PIK3C2A: variants seen among roughly 807,000 people sequenced by gnomAD.
PIK3C2A encodes the protein phosphatidylinositol 4-phosphate 3-kinase C2 domain-containing subunit alpha.
PIK3C2A carries 97 observed loss-of-function variants against 204.5 expected under a neutral mutation model. The ratio of observed to expected loss-of-function variants is 0.47; its 90% CI spans 0.40 to 0.56. The LOEUF (loss-of-function observed/expected upper bound fraction) is 0.56, where lower values mean the gene tolerates loss of function less well. Ranked by LOEUF, PIK3C2A falls within the 20% of genes least tolerant of loss-of-function variation. The probability of loss-of-function intolerance (pLI) is 0.00; values close to 1 mark genes in which losing one functional copy is unlikely to be tolerated. For missense variants in PIK3C2A, 1,735 were observed against 1,969.2 expected, an observed-to-expected ratio of 0.88 and a Z score of 2.25; for synonymous variants, 653 against 664.4, an observed-to-expected ratio of 0.98 and a Z score of 0.26.
intron 12 of PIK3C2A, among the ~76,000 whole-genome samples, chr11:17,131,224 T>C (rs1292437146): frequency 6.6e-6 from 1 of 152,092 alleles, no homozygotes; most frequent in Non-Finnish European, 1.5e-5. Context: ...CGTTAAGTGT[T>C]GATTAATCTA....
At chr11:17,176,403 C>T (rs887706082) in intron 1 of PIK3C2A, among the ~76,000 whole-genome samples, 15 of 151,840 alleles carry the variant, frequency 9.9e-5, no homozygotes, top group Admixed American at 7.9e-4. Flanking sequence ...CTGCTTGAGC[C>T]CAGGAGTACC....
chr11:17,099,558 T>C (rs1848555179), intron 26 of PIK3C2A, among the ~76,000 whole-genome samples: 1 of 152,118 alleles, frequency 6.6e-6, no homozygotes, highest in South Asian at 2.1e-4. Flanking sequence ...AATAAAAAAT[T>C]AAAAAAGATT....
chr11:17,095,253 G>T (rs1158244638), intron 27 of PIK3C2A, among the ~76,000 whole-genome samples: 1 of 151,678 alleles, frequency 6.6e-6, no homozygotes, highest in East Asian at 1.9e-4. Context: ...GTAATAGAGC[G>T]AGACCGTTTC....
chr11:17,164,949 A>G lies in PIK3C2A; in HGVS notation c.1065+3728T>C, dbSNP rs1242982985. The stretch of plus-strand genomic sequence containing the variant: ...GTACTGTGACAAATATTTTAAATAC[A>G]TAAGAAAAAATAAATGTAGGGAGAC... On this transcript the variant is annotated intron_variant, in intron 2 of 32. Coordinates refer to ENST00000691414, the MANE Select transcript of PIK3C2A (RefSeq NM_002645.4). 4.6e-5 allele frequency among the ~76,000 whole-genome samples: 7 copies of G among 152,160 alleles called. No homozygotes were observed. In the South Asian group the frequency reaches 1.4e-3, roughly 31 times the overall value.
At chr11:17,142,775 G>A (rs1414878133) in intron 8 of PIK3C2A, among the ~76,000 whole-genome samples, 1 of 152,102 alleles carries the variant, frequency 6.6e-6, no homozygotes, top group African/African-American at 2.4e-5. Flanking sequence ...CTGAATTCAG[G>A]ATCATGGAAG....
At chr11:17,138,325 CTTTTT>C (rs61085828) in intron 8 of PIK3C2A, 59 of 350,884 alleles carry the variant, frequency 1.7e-4, no homozygotes, top group South Asian at 4.9e-4. Flanking sequence ...AGCCAGCTTC[CTTTTT>C]TTTTTTTTTT....
chr11:17,168,651 G>A (rs749214981), intron 2 of PIK3C2A, 26 bp downstream of exon 2: 9 of 1,354,300 alleles, frequency 6.6e-6, no homozygotes, highest in Non-Finnish European at 9.2e-6. Flanking sequence ...TACTAAGTTT[G>A]AGAAGTTAGT....
At position 17,101,257 on chromosome 11, in the gene PIK3C2A, G is replaced by A. The variant is rs185826052; in HGVS notation, c.4008+21C>T. ...GATGCATTAATATAAAACTAATTAAGTGCTTATAAAGAATAGTTACCAGTG... is the reference window on the plus strand; with the variant it reads ...GATGCATTAATATAAAACTAATTAAATGCTTATAAAGAATAGTTACCAGTG... On this transcript the variant is annotated intron_variant, in intron 25 of 32. Coordinates refer to ENST00000691414, the MANE Select transcript of PIK3C2A (RefSeq NM_002645.4). 1.5e-4 allele frequency: 201 copies of A among 1,356,484 alleles called. 1 individual carries two copies. In the African/African-American group the frequency reaches 2.5e-3, roughly 17 times the overall value. 84.0% of individuals were successfully genotyped at this position (1,356,484 alleles called of 1,614,324 possible). A position where few individuals can be genotyped will look rare whatever the true frequency, so the allele number is the denominator to read the frequency against.
chr11:17,178,815 C>T (rs371331716), intron 1 of PIK3C2A, among the ~76,000 whole-genome samples: 13 of 149,972 alleles, frequency 8.7e-5, no homozygotes, highest in East Asian at 3.9e-4. Flanking sequence ...CTGCAAGCTC[C>T]GCTTCCCGGG....
In PIK3C2A at chr11:17,119,970, A is replaced by C. The variant is rs773261003; in HGVS notation, c.2662T>G (p.Ser888Ala). The change falls in exon 16 of 33, where the codon TCT becomes GCT. Residue 888 changes from serine (S) to alanine (A), a missense_variant. By Grantham distance (99) the Ser-to-Ala change is moderately conservative (BLOSUM62 1). Around this residue, in one of 6 missense-constraint regions of PIK3C2A, gnomAD observed 567 missense variants for 576.0 expected, o/e 0.98. Transcript: ENST00000691414. ...ILHKDSSLGL[S>A]KEDKAFLWEK... Reference sequence around the variant, plus strand: ...CATAAAAAAGCTTTATCTTCTTTAGAAAGTCTGCATATATAATAGAATTAA... The same window carrying C: ...CATAAAAAAGCTTTATCTTCTTTAGCAAGTCTGCATATATAATAGAATTAA... 5 of 1,469,476 alleles carry C rather than the reference A, an allele frequency of 3.4e-6. No individual in the cohort carries two copies. The South Asian group carries it at 4.7e-5, about 14-fold the overall frequency. The allele number at this position is 1,469,476 out of a possible 1,614,324, so 91.0% of individuals were successfully genotyped here. A position where few individuals can be genotyped will look rare whatever the true frequency, so the allele number is the denominator to read the frequency against.
intron 17 of PIK3C2A, 75 bp from the exon 18 acceptor site, chr11:17,118,814 A>C: frequency 1.4e-6 from 1 of 707,902 alleles, no homozygotes; most frequent in Non-Finnish European, 2.5e-6. Context: ...ATCAAAAGAG[A>C]AACTATATAA....
chr11:17,089,582 G>A lies in PIK3C2A; in HGVS notation c.*156C>T. 1.9e-6 allele frequency: 1 copy of A among 539,892 alleles called. No individual in the cohort carries two copies. Among genetic ancestry groups the A allele is most frequent in the South Asian group, 2.9e-5 (1 of 34,110 alleles). 33.4% of individuals were successfully genotyped at this position (539,892 alleles called of 1,614,324 possible). A position where few individuals can be genotyped will look rare whatever the true frequency, so the allele number is the denominator to read the frequency against. ...TGACTGTTGGTCCAACAGATGTGTT[G>A]AAATGCAGCAAGTATATTTAACTTT... On this transcript the variant is annotated 3_prime_UTR_variant, in exon 33 of 33. Transcript: ENST00000691414.
intron 1 of PIK3C2A, among the ~76,000 whole-genome samples, chr11:17,183,938 T>TA (rs773179143): frequency 0.041 from 5,381 of 131,458 alleles, 327 homozygotes; most frequent in African/African-American, 0.14. Context: ...GAACCCTCTT[T>TA]AAAAAAAAAA....
chr11:17,160,788 C>CA (rs35833190), intron 2 of PIK3C2A, among the ~76,000 whole-genome samples: 63,862 of 152,006 alleles, frequency 0.42, 13,751 homozygotes, highest in Non-Finnish European at 0.47. Flanking sequence ...TGCACCATTA[C>CA]ACTCTAGCCT....
At chr11:17,203,815 G>GT (rs1435648847) in intron 1 of PIK3C2A, among the ~76,000 whole-genome samples, 1 of 152,180 alleles carries the variant, frequency 6.6e-6, no homozygotes, top group African/African-American at 2.4e-5. Flanking sequence ...GCTCACGCCT[G>GT]TAATCCCAGC....
chr11:17,135,834 C>G (rs1236964516), intron 9 of PIK3C2A, among the ~76,000 whole-genome samples: 2 of 152,086 alleles, frequency 1.3e-5, no homozygotes, highest in Non-Finnish European at 2.9e-5. Context: ...TTCTAGATAT[C>G]GAGGGGCACA....
chr11:17,130,896 GT>G (rs1220476221), intron 12 of PIK3C2A, among the ~76,000 whole-genome samples: 1 of 150,196 alleles, frequency 6.7e-6, no homozygotes, highest in Non-Finnish European at 1.5e-5. Flanking sequence ...TTAAGATAAT[GT>G]TTTTTTCGGC....
In PIK3C2A at chr11:17,089,498, T is replaced by G. The variant is rs1452612737; in HGVS notation, c.*240A>C. ...TATATTAAGTTTAGGGTTTGTAGCA[T>G]TCTACATAATGACTTTAAAACAGCA... On this transcript the variant is annotated 3_prime_UTR_variant, in exon 33 of 33. Transcript: ENST00000691414. 2 of 420,774 alleles carry G rather than the reference T, an allele frequency of 4.8e-6. No individual in the cohort carries two copies. The highest frequency in any genetic ancestry group is 8.5e-6 in the Non-Finnish European group (2 of 234,398). The allele number at this position is 420,774 out of a possible 1,614,324, so 26.1% of individuals were successfully genotyped here. A position where few individuals can be genotyped will look rare whatever the true frequency, so the allele number is the denominator to read the frequency against.
rs1266626155 is a variant in PIK3C2A at position 17,184,212 on chromosome 11, CCTT to C, written c.-65-14409_-65-14407del. Among the ~76,000 whole-genome samples, 14 of 130,736 alleles carry C rather than the reference CCTT, an allele frequency of 1.1e-4. No homozygotes were observed. The East Asian group carries it at 3.4e-3, about 32-fold the overall frequency. The allele number at this position is 130,736 out of a possible 152,430, so 85.8% of individuals were successfully genotyped here. ...TTTCATTGTTACTTTATAGTACACT[CCTT>C]CTACTTTAAAAAAAAAAAAAAGTTA... is the stretch of plus-strand genomic sequence containing the variant. On this transcript the variant is annotated intron_variant, in intron 1 of 32. Transcript: ENST00000691414.
Sources: gnomAD v4.1 joint callset for allele counts (sites outside exome capture counted in the v4.1 genomes callset) on GRCh38, gnomAD v4.1.1 for gene constraint, gnomAD v4.1.1 regional missense constraint, MANE v1.5 for transcripts, NCBI Gene and HGNC (gene_info 2026-07-23, HGNC 2026-07-21) for gene names.